The following SLC4A2 variants were observed in gnomAD, a reference collection of about 807,000 sequenced individuals.
The protein encoded by SLC4A2 is anion exchange protein 2.
A neutral mutation model predicts 115.0 loss-of-function variants in SLC4A2; 36 were observed. The observed-to-expected ratio is 0.31, with a 90% CI of 0.24 to 0.41. The LOEUF (loss-of-function observed/expected upper bound fraction) is 0.41, where lower values mean the gene tolerates loss of function less well. Among genes scored for constraint, SLC4A2 ranks in the 10% least tolerant of loss-of-function variants. SLC4A2 has a pLI of 1.00. For synonymous variants in SLC4A2, 708 were observed against 708.3 expected, an observed-to-expected ratio of 1.00 and a Z score of 0.01; for missense variants, 1,252 against 1,705.6, an observed-to-expected ratio of 0.73 and a Z score of 4.68.
chr7:151,066,019 A>G (rs778891112), intron 5 of SLC4A2, among the ~76,000 whole-genome samples: 2 of 152,164 alleles, frequency 1.3e-5, no homozygotes, highest in African/African-American at 2.4e-5. Context: ...GCCATCTCCA[A>G]GGCCCGGTGC....
intron 16 of SLC4A2, among the ~76,000 whole-genome samples, chr7:151,073,380 A>T (rs1797507178): frequency 6.6e-6 from 1 of 151,888 alleles, no homozygotes; most frequent in African/African-American, 2.4e-5. Flanking sequence ...TCCCAGGTTC[A>T]AGCGATTCTC....
intron 8 of SLC4A2, among the ~76,000 whole-genome samples, chr7:151,069,294 C>T (rs1001705040): frequency 6.6e-6 from 1 of 152,122 alleles, no homozygotes. Context: ...TGGTCTCCAG[C>T]CTGGCTGCTC....
At position 151,064,748 on chromosome 7, in the gene SLC4A2, C is replaced by T; in HGVS notation, c.440C>T (p.Ser147Phe). Reference sequence around the variant, plus strand: ...GCTCTCACTCAGCCGTCCCCTGTCTCCACACCCTCCTCGGTGCAGGTGCGC... The same window carrying T: ...GCTCTCACTCAGCCGTCCCCTGTCTTCACACCCTCCTCGGTGCAGGTGCGC... The part of the protein sequence containing the change: ...ARALTQPSPV[S>F]TPSSVQFFLQ... The change falls in exon 4 of 23, where the codon TCC (serine) becomes TTC (phenylalanine). Residue 147 changes from serine (S) to phenylalanine (F), a missense_variant. Physicochemically the swap from Ser to Phe is radical, Grantham distance 155. Around this residue, in one of 14 missense-constraint regions of SLC4A2, gnomAD observed 215 missense variants for 205.2 expected, o/e 1.05. Coordinates refer to ENST00000413384, the MANE Select transcript of SLC4A2 (RefSeq NM_003040.4). 1 of 1,610,022 alleles carries T rather than the reference C, an allele frequency of 6.2e-7. No homozygotes were observed.
rs111748103 is a variant in SLC4A2, at chr7:151,070,921, C to T, written c.1749+10C>T. 11 of 1,611,410 alleles carry T rather than the reference C, an allele frequency of 6.8e-6. No homozygotes were observed. The highest frequency in any genetic ancestry group is 2.7e-5 in the African/African-American group (2 of 75,014). Reference sequence around the variant, plus strand: ...CCTCATGTCAGACAAGGTCAGCTACCCTCCTCCTCTGGGCCCTGCTTCCTG... The same window carrying T: ...CCTCATGTCAGACAAGGTCAGCTACTCTCCTCCTCTGGGCCCTGCTTCCTG... On this transcript the variant is annotated intron_variant, in intron 12 of 22. Coordinates refer to ENST00000413384, the MANE Select transcript of SLC4A2 (RefSeq NM_003040.4).
Position 151,071,992 on chromosome 7 carries a change from C to T in SLC4A2, c.2391C>T (p.Gly797=), listed in dbSNP as rs774761109. 17 of 1,613,640 alleles carry T rather than the reference C, an allele frequency of 1.1e-5. No individual in the cohort carries two copies. The highest frequency in any genetic ancestry group is 7.6e-6 in the Non-Finnish European group (9 of 1,179,894). The change falls in exon 16 of 23, where the codon GGC becomes GGT. Residue 797 remains glycine (G), a synonymous_variant. Coordinates refer to ENST00000413384, the MANE Select transcript of SLC4A2 (RefSeq NM_003040.4). This position sits in a 1 kb window ranked among gnomAD's most constrained non-coding sequence, Gnocchi z 5.5. Reference sequence around the variant, plus strand: ...ACCTGGTGGGCCGTGTGTGGATCGGCTTCTGGCTGGTGTTCCTGGCCCTGC... The same window carrying T: ...ACCTGGTGGGCCGTGTGTGGATCGGTTTCTGGCTGGTGTTCCTGGCCCTGC... The part of the protein sequence containing the change: ...LEYLVGRVWI[G]FWLVFLALLM...
rs761089682 is a variant in SLC4A2, at chr7:151,064,296, A to G, written c.146A>G (p.Glu49Gly). 2 of 1,610,682 alleles carry G rather than the reference A, an allele frequency of 1.2e-6. No individual in the cohort carries two copies. Among genetic ancestry groups the G allele is most frequent in the East Asian group, 4.5e-5 (2 of 44,746 alleles). ...HRTLGVERFE[E>G]ILQEAGSRGG... ...ACCCTGGGCGTGGAGCGGTTTGAGG[A>G]GATCCTACAGGAGGCCGGGTCTCGT... The change falls in exon 3 of 23, where the codon GAG (glutamate) becomes GGG (glycine). Residue 49 changes from glutamate to glycine, a missense_variant. By Grantham distance (98) the Glu-to-Gly change is moderately conservative (BLOSUM62 -2). Transcript: ENST00000413384.
Position 151,075,793 on chromosome 7 carries a change from C to G in SLC4A2, c.3471+18C>G. 1.9e-6 allele frequency: 3 copies of G among 1,593,834 alleles called. No individual in the cohort carries two copies. Among genetic ancestry groups the G allele is most frequent in the South Asian group, 1.1e-5 (1 of 90,072 alleles). ...TCAAGAAGGTGAGCCCCCCAGCTCC[C>G]CACCGGAAGGGGTGTGCCTCTGGCC... On this transcript the variant is annotated intron_variant, in intron 21 of 22. Transcript: ENST00000413384.
At chr7:151,062,930 C>T in intron 2 of SLC4A2, 1 of 1,400,118 alleles carries the variant, frequency 7.1e-7, no homozygotes, top group African/African-American at 1.5e-5. Context: ...TCCCCGCGCT[C>T]TTCCTTGTTC....
At chr7:151,063,057 G>A in intron 2 of SLC4A2, 1 of 1,497,844 alleles carries the variant, frequency 6.7e-7, no homozygotes, top group Non-Finnish European at 8.8e-7. Context: ...CTGAGACCGT[G>A]GGTGGGTGGG....
At chr7:151,067,773 C>G in intron 7 of SLC4A2, 101 bp from the exon 8 acceptor site, 1 of 995,236 alleles carries the variant, frequency 1.0e-6, no homozygotes, top group East Asian at 2.5e-5. Flanking sequence ...CTCGTGCTCT[C>G]CAGGGTCACT....
intron 2 of SLC4A2, chr7:151,062,894 C>A: frequency 1.4e-6 from 2 of 1,393,438 alleles, no homozygotes; most frequent in Non-Finnish European, 1.9e-6. Context: ...CACCTCGCCC[C>A]TAAGACCCGC....
rs760952046 is a variant in SLC4A2 at position 151,070,071 on chromosome 7, G to A, written c.1272G>A (p.Leu424=). 2 of 1,613,940 alleles carry A rather than the reference G, an allele frequency of 1.2e-6. No individual in the cohort carries two copies. Among genetic ancestry groups the A allele is most frequent in the Non-Finnish European group, 1.7e-6 (2 of 1,179,948 alleles). The change falls in exon 9 of 23, where the codon CTG becomes CTA. Residue 424 remains leucine, a synonymous_variant. Coordinates refer to ENST00000413384, the MANE Select transcript of SLC4A2 (RefSeq NM_003040.4). ...GGGCCAACGTGCTGCGGGCTCTGCT[G>A]TTGAAACACAGGTGAGGCCCTGTGG... ...EDRANVLRAL[L]LKHSHPSDEK... is the part of the protein sequence containing the mutation.
At chr7:151,076,245 C>G in intron 22 of SLC4A2, 42 bp from the exon 23 acceptor site, 1 of 1,592,816 alleles carries the variant, frequency 6.3e-7, no homozygotes, top group African/African-American at 1.3e-5. Context: ...TCTGGAAAGG[C>G]CCCCCCACTT....
rs773464976 is a variant in SLC4A2, at chr7:151,071,664, C to T, written c.2192-25C>T. ...ACTGCCCAGGGCCTGGCCACCAGCT[C>T]CTGAGCTGGTTCCTACACCCCTAGG... is the stretch of plus-strand genomic sequence containing the variant. On this transcript the variant is annotated intron_variant, in intron 14 of 22. Coordinates refer to ENST00000413384, the MANE Select transcript of SLC4A2 (RefSeq NM_003040.4). This position sits in a 1 kb window ranked among gnomAD's most constrained non-coding sequence, Gnocchi z 5.5. 1 of 1,611,944 alleles carries T rather than the reference C, an allele frequency of 6.2e-7. No homozygotes were observed. Among genetic ancestry groups the T allele is most frequent in the Non-Finnish European group, 8.5e-7 (1 of 1,178,844 alleles).
In SLC4A2 at chr7:151,071,453, G is replaced by A. The variant is rs562416008; in HGVS notation, c.2039G>A (p.Arg680Gln). The change falls in exon 14 of 23, where the codon CGG becomes CAG. Residue 680 changes from arginine (R) to glutamine (Q), a missense_variant. Transcript: ENST00000413384. The surrounding 1 kb of genome is among the most constrained non-coding windows in gnomAD (Gnocchi z 5.5). ...AEDDPLRRTG[R>Q]PFGGLIRDVR... ...GATGATCCCCTTCGGCGGACGGGGC[G>A]GCCCTTTGGGGGGCTGATCCGAGAT... The A allele has an allele frequency of 9.8e-5, 157 of 1,608,954 alleles. 5 individuals are homozygous for A. In the South Asian group the frequency reaches 1.4e-3, roughly 14 times the overall value.
At chr7:151,062,110 C>T (rs1797068896) in intron 2 of SLC4A2, 72 bp downstream of exon 2, 1 of 1,291,698 alleles carries the variant, frequency 7.7e-7, no homozygotes, top group East Asian at 2.4e-5. Flanking sequence ...GGCCAAGGGT[C>T]CTCGCCAACC....
intron 8 of SLC4A2, among the ~76,000 whole-genome samples, chr7:151,069,083 G>T (rs980338142): frequency 2.2e-5 from 3 of 134,340 alleles, no homozygotes; most frequent in Admixed American, 1.7e-4. Flanking sequence ...AGCTTGCAGT[G>T]AGCCAAGATC....
At position 151,067,761 on chromosome 7, in the gene SLC4A2, T is replaced by C. The variant is rs1584989053; in HGVS notation, c.967-113T>C. On this transcript the variant is annotated intron_variant, in intron 7 of 22. Coordinates refer to ENST00000413384, the MANE Select transcript of SLC4A2 (RefSeq NM_003040.4). ...TGGTGCGCCTGTGCACCACCCACTG[T>C]GCTCGTGCTCTCCAGGGTCACTTGG... 10 of 818,452 alleles carry C rather than the reference T, an allele frequency of 1.2e-5. No homozygotes were observed. In the East Asian group the frequency reaches 2.7e-4, roughly 22 times the overall value. 50.7% of individuals were successfully genotyped at this position (818,452 alleles called of 1,614,324 possible). A position where few individuals can be genotyped will look rare whatever the true frequency, so the allele number is the denominator to read the frequency against.
At chr7:151,062,133 G>A (rs1422790088) in intron 2 of SLC4A2, 95 bp downstream of exon 2, 8 of 205,568 alleles carry the variant, frequency 3.9e-5, no homozygotes, top group African/African-American at 2.1e-4. Flanking sequence ...GGGTGTGAGC[G>A]TGTGTGAGTG....
Sources: allele counts gnomAD v4.1 joint callset (sites outside exome capture counted in the v4.1 genomes callset), GRCh38; gene constraint gnomAD v4.1.1; regional missense constraint gnomAD v4.1.1; non-coding constraint Gnocchi (gnomAD v3.1); transcripts MANE v1.5; gene names NCBI Gene and HGNC (gene_info 2026-07-23, HGNC 2026-07-21).